LRP1B: variants seen among roughly 807,000 people sequenced by gnomAD.
LRP1B encodes low-density lipoprotein receptor-related protein 1B.
Under a neutral mutation model 556.6 loss-of-function variants are expected in LRP1B, and 217 were observed. The ratio of observed to expected loss-of-function variants is 0.39; its 90% CI spans 0.35 to 0.44. The LOEUF (loss-of-function observed/expected upper bound fraction) is 0.44. Ranked by LOEUF, LRP1B falls within the 20% of genes least tolerant of loss-of-function variation. The probability of loss-of-function intolerance (pLI) is 1.00; values close to 1 mark genes in which losing one functional copy is unlikely to be tolerated. For missense variants in LRP1B, 5,053 were observed against 5,620.8 expected, an observed-to-expected ratio of 0.90 and a Z score of 3.23; for synonymous variants, 2,047 against 1,865.8, an observed-to-expected ratio of 1.10 and a Z score of -2.50.
At chr2:140,322,137 G>A (rs1239265239) in intron 81 of LRP1B, 49 bp from the exon 82 acceptor site, 1 of 1,531,446 alleles carries the variant, frequency 6.5e-7, no homozygotes. Context: ...AGATACAATA[G>A]GCTTCAAAAG....
chr2:141,533,118 C>T (rs16846416), intron 2 of LRP1B, among the ~76,000 whole-genome samples: 10,306 of 152,202 alleles, frequency 0.068, 400 homozygotes, highest in South Asian at 0.16. Flanking sequence ...GACTTATCCT[C>T]GGTCCTTTGT....
chr2:141,425,402 C>A (rs1159974441), intron 3 of LRP1B, among the ~76,000 whole-genome samples: 7 of 149,782 alleles, frequency 4.7e-5, no homozygotes, highest in African/African-American at 1.2e-4. Context: ...GTCTTTATAG[C>A]AGCATGACTT....
At chr2:141,602,901 C>T (rs1208162058) in intron 2 of LRP1B, among the ~76,000 whole-genome samples, 1 of 152,050 alleles carries the variant, frequency 6.6e-6, no homozygotes, top group Admixed American at 6.6e-5. Flanking sequence ...GTATAAAATG[C>T]CAGTAAATGT....
At chr2:140,752,322 C>CT (rs34686176) in intron 35 of LRP1B, among the ~76,000 whole-genome samples, 62,084 of 135,866 alleles carry the variant, frequency 0.46, 15,244 homozygotes, top group Non-Finnish European at 0.55. Flanking sequence ...ACTTAAAATA[C>CT]TTTTTTTTTT....
Position 141,184,884 on chromosome 2 carries a change from C to A in LRP1B, c.1013+3537G>T, listed in dbSNP as rs534354081. Among the ~76,000 whole-genome samples, 107 of 151,096 alleles carry A rather than the reference C, an allele frequency of 7.1e-4. No homozygotes were observed. In the South Asian group the frequency reaches 0.019, roughly 27 times the overall value. ...TACACTTCATTTTTTTTCTTATTTT[C>A]TCTCCTCTTTTTCTCAACACTTTAT... is the stretch of plus-strand genomic sequence containing the variant. On this transcript the variant is annotated intron_variant, in intron 7 of 90. Transcript: ENST00000389484.
intron 18 of LRP1B, among the ~76,000 whole-genome samples, chr2:140,976,503 C>CT (rs1216208854): frequency 0.041 from 4,283 of 105,420 alleles, 221 homozygotes; most frequent in African/African-American, 0.074. Flanking sequence ...TTTTTTTTTC[C>CT]TTTTTTTTTT....
intron 7 of LRP1B, among the ~76,000 whole-genome samples, chr2:141,096,543 A>G (rs1700308180): frequency 6.6e-6 from 1 of 150,992 alleles, no homozygotes. Context: ...ATCTGTGATT[A>G]TGCATCACAC....
At chr2:141,929,495 G>A (rs1436181101) in intron 1 of LRP1B, among the ~76,000 whole-genome samples, 1 of 151,774 alleles carries the variant, frequency 6.6e-6, no homozygotes, top group Admixed American at 6.6e-5. Flanking sequence ...AAAGACAGAA[G>A]CACAACCACA....
chr2:140,921,937 G>A (rs892221036), intron 21 of LRP1B, among the ~76,000 whole-genome samples: 1 of 151,858 alleles, frequency 6.6e-6, no homozygotes, highest in Non-Finnish European at 1.5e-5. Context: ...TGTACTTTTT[G>A]TTAGAATATG....
chr2:141,654,550 T>C (rs355558), intron 2 of LRP1B, among the ~76,000 whole-genome samples: 21,611 of 151,888 alleles, frequency 0.14, 2,384 homozygotes, highest in African/African-American at 0.3. Context: ...TCACATGTGC[T>C]TCCCCTGCTC....
chr2:140,524,887 A>G (rs1456359604), intron 49 of LRP1B, among the ~76,000 whole-genome samples: 1 of 151,870 alleles, frequency 6.6e-6, no homozygotes, highest in Non-Finnish European at 1.5e-5. Flanking sequence ...CCCAAACCTC[A>G]GCATCATGCA....
chr2:141,312,917 T>C (rs1573789920), intron 3 of LRP1B, among the ~76,000 whole-genome samples: 1 of 151,884 alleles, frequency 6.6e-6, no homozygotes, highest in African/African-American at 2.4e-5. Context: ...CTGACCTCAG[T>C]TGATCCACCC....
At chr2:140,979,099 C>T (rs916013503) in intron 18 of LRP1B, among the ~76,000 whole-genome samples, 3 of 152,162 alleles carry the variant, frequency 2.0e-5, no homozygotes, top group Admixed American at 2.0e-4. Flanking sequence ...CCCACCTCAG[C>T]CTCTCGAGTA....
At position 141,604,785 on chromosome 2, in the gene LRP1B, G is replaced by A. The variant is rs141624301; in HGVS notation, c.206-124252C>T. Among the ~76,000 whole-genome samples, 4 of 152,138 alleles carry A rather than the reference G, an allele frequency of 2.6e-5. No individual in the cohort carries two copies. In the East Asian group the frequency reaches 5.8e-4, roughly 22 times the overall value. ...TGACTTCAGGTGGGGGATCATGCCC[G>A]CATCCCTTCTCCACTGAAAGCTGTT... On this transcript the variant is annotated intron_variant, in intron 2 of 90. Transcript: ENST00000389484.
chr2:140,471,433 A>T (rs1420137377), intron 60 of LRP1B, among the ~76,000 whole-genome samples: 1 of 152,192 alleles, frequency 6.6e-6, no homozygotes, highest in African/African-American at 2.4e-5. Context: ...TTAAAAATGT[A>T]CAAATATATG....
intron 43 of LRP1B, among the ~76,000 whole-genome samples, chr2:140,595,560 A>G (rs1033642191): frequency 6.6e-6 from 1 of 152,162 alleles, no homozygotes; most frequent in African/African-American, 2.4e-5. Context: ...GGGGACAAAG[A>G]ACGTTTATTT....
At chr2:140,687,111 G>C (rs1686076954) in intron 41 of LRP1B, among the ~76,000 whole-genome samples, 1 of 152,088 alleles carries the variant, frequency 6.6e-6, no homozygotes, top group Non-Finnish European at 1.5e-5. Flanking sequence ...GTTGGGTAGA[G>C]CAGTGACATA....
intron 18 of LRP1B, among the ~76,000 whole-genome samples, chr2:140,954,928 G>T (rs1233508986): frequency 6.6e-6 from 1 of 151,976 alleles, no homozygotes; most frequent in Non-Finnish European, 1.5e-5. Flanking sequence ...TCACTGAAGA[G>T]AGTAATTATT....
chr2:140,631,842 A>G (rs569109389), intron 41 of LRP1B, among the ~76,000 whole-genome samples: 5 of 152,306 alleles, frequency 3.3e-5, no homozygotes, highest in African/African-American at 4.8e-5. Context: ...ACAATAAGAC[A>G]TATCATATTC....
Sources: gnomAD v4.1 joint callset for allele counts (sites outside exome capture counted in the v4.1 genomes callset) on GRCh38, gnomAD v4.1.1 for gene constraint, MANE v1.5 for transcripts, NCBI Gene and HGNC (gene_info 2026-07-23, HGNC 2026-07-21) for gene names.